FAM13C: variants seen among roughly 807,000 people sequenced by gnomAD.
The protein encoded by FAM13C is family with sequence similarity 13 member C, also known as protein FAM13C.
In FAM13C, 37 loss-of-function variants were observed where a neutral mutation model predicts 73.2. That is an observed-to-expected ratio of 0.51 (90% CI 0.39 to 0.67). The LOEUF is 0.67. Ranked by LOEUF, FAM13C falls within the 30% of genes least tolerant of loss-of-function variation. The pLI, the probability that FAM13C is intolerant of heterozygous loss-of-function variation, is 0.00. For missense variants in FAM13C, 589 were observed against 715.6 expected, an observed-to-expected ratio of 0.82 and a Z score of 2.02; for synonymous variants, 246 against 260.9, an observed-to-expected ratio of 0.94 and a Z score of 0.55.
intron 4 of FAM13C, among the ~76,000 whole-genome samples, chr10:59,321,303 G>A (rs1850218841): frequency 6.6e-6 from 1 of 152,024 alleles, no homozygotes; most frequent in African/African-American, 2.4e-5. Flanking sequence ...ATGCAATGTT[G>A]GTGGCTTGAA....
chr10:59,253,523 A>G (rs963051098), intron 11 of FAM13C, among the ~76,000 whole-genome samples: 1 of 152,200 alleles, frequency 6.6e-6, no homozygotes, highest in African/African-American at 2.4e-5. Context: ...TTACTCCTCA[A>G]CTGTTCTGAT....
intron 3 of FAM13C, among the ~76,000 whole-genome samples, chr10:59,352,023 T>A (rs1241000091): frequency 6.6e-6 from 1 of 151,822 alleles, no homozygotes; most frequent in Non-Finnish European, 1.5e-5. Context: ...AAATAAAAAT[T>A]AAAAAATAAA....
At chr10:59,253,247 C>T (rs907494680) in intron 11 of FAM13C, among the ~76,000 whole-genome samples, 1 of 152,222 alleles carries the variant, frequency 6.6e-6, no homozygotes, top group East Asian at 1.9e-4. Flanking sequence ...TCATCTGTGT[C>T]TTCTGGGCCA....
chr10:59,324,038 A>G lies in FAM13C; in HGVS notation c.393T>C (p.Ser131=). The G allele has an allele frequency of 6.2e-7, 1 of 1,613,910 alleles. No individual in the cohort carries two copies. Among genetic ancestry groups the G allele is most frequent in the Non-Finnish European group, 8.5e-7 (1 of 1,179,958 alleles). Residue 131 remains serine (S), a synonymous_variant, in exon 4 of 14, where the codon AGT becomes AGC. Coordinates refer to ENST00000618804, the MANE Select transcript of FAM13C (RefSeq NM_198215.4). ...QVRAGTPAHE[S]PQNNAFKCQE... ...GGCACTTGAAGGCATTGTTTTGTGG[A>G]CTCTCATGAGCTGGTGTTCCTGCTC...
intron 4 of FAM13C, among the ~76,000 whole-genome samples, chr10:59,305,443 G>C (rs1848146109): frequency 6.6e-6 from 1 of 152,142 alleles, no homozygotes. Context: ...ATTTGTCAGT[G>C]TTAACATTTA....
chr10:59,283,307 G>T, intron 6 of FAM13C, 56 bp downstream of exon 6: 1 of 1,567,030 alleles, frequency 6.4e-7, no homozygotes. Context: ...GAACCAGCAA[G>T]AGACTGAACT....
intron 10 of FAM13C, among the ~76,000 whole-genome samples, chr10:59,258,235 G>A (rs911244794): frequency 2.6e-5 from 4 of 152,144 alleles, no homozygotes; most frequent in Non-Finnish European, 4.4e-5. Context: ...TGTAATCCCA[G>A]CACTTTGGGA....
At chr10:59,248,751 G>A (rs1589320138) in intron 13 of FAM13C, among the ~76,000 whole-genome samples, 1 of 152,168 alleles carries the variant, frequency 6.6e-6, no homozygotes, top group South Asian at 2.1e-4. Context: ...TTTCCCAGTA[G>A]TGATAAAGAG....
chr10:59,336,376 T>C (rs892196940), intron 3 of FAM13C, among the ~76,000 whole-genome samples: 4 of 152,212 alleles, frequency 2.6e-5, no homozygotes, highest in Non-Finnish European at 4.4e-5. Context: ...TTAGGATGGA[T>C]GAAAAGAGGT....
At chr10:59,322,696 A>G (rs1245900228) in intron 4 of FAM13C, among the ~76,000 whole-genome samples, 1 of 152,102 alleles carries the variant, frequency 6.6e-6, no homozygotes, top group Non-Finnish European at 1.5e-5. Flanking sequence ...TTTTGCTTTT[A>G]TATTATTTTG....
intron 3 of FAM13C, among the ~76,000 whole-genome samples, chr10:59,350,041 T>C (rs537497806): frequency 6.6e-6 from 1 of 152,208 alleles, no homozygotes; most frequent in Non-Finnish European, 1.5e-5. Flanking sequence ...TTTGTATACA[T>C]TCAATAATAA....
chr10:59,325,189 C>T (rs1850927883), intron 3 of FAM13C, among the ~76,000 whole-genome samples: 1 of 152,106 alleles, frequency 6.6e-6, no homozygotes, highest in Non-Finnish European at 1.5e-5. Context: ...ATATTATGGT[C>T]ACAATAGAGA....
intron 13 of FAM13C, 143 bp downstream of exon 13, chr10:59,251,432 T>A (rs1564472800): frequency 2.7e-6 from 2 of 737,632 alleles, no homozygotes; most frequent in Non-Finnish European, 4.8e-6. Flanking sequence ...GAATGTTGCA[T>A]TGGACAAATC....
intron 3 of FAM13C, among the ~76,000 whole-genome samples, chr10:59,337,796 CGGCCT>C (rs1852941595): frequency 2.7e-5 from 4 of 150,834 alleles, no homozygotes; most frequent in Non-Finnish European, 2.9e-5. Context: ...TCTCCTGCCT[CGGCCT>C]CCCGAGTAGC....
intron 5 of FAM13C, among the ~76,000 whole-genome samples, chr10:59,290,724 T>C (rs765521048): frequency 6.6e-6 from 1 of 152,216 alleles, no homozygotes; most frequent in Non-Finnish European, 1.5e-5. Flanking sequence ...GTGTATTGTT[T>C]ATCAGCTCCA....
chr10:59,352,619 T>C (rs1436789693), intron 2 of FAM13C, 145 bp from the exon 3 acceptor site: 4 of 734,090 alleles, frequency 5.4e-6, no homozygotes, highest in South Asian at 1.9e-5. Flanking sequence ...TAGACAATTT[T>C]GCATGAACAA....
Position 59,268,597 on chromosome 10 carries a change from T to C in FAM13C, c.898A>G (p.Ile300Val). ...TCAAATTTTTCTTCAAATTTCCGAATTTTCCGCTTGAGGCTCTGGATGTGC... is the reference window on the plus strand; with the variant it reads ...TCAAATTTTTCTTCAAATTTCCGAACTTTCCGCTTGAGGCTCTGGATGTGC... ...TKHIQSLKRK[I>V]RKFEEKFEQE... is the part of the protein sequence containing the mutation. The change falls in exon 8 of 14, where the codon ATT (isoleucine) becomes GTT (valine). Residue 300 changes from isoleucine (I) to valine (V), a missense_variant. Physicochemically the swap from Ile to Val is conservative, Grantham distance 29. Transcript: ENST00000618804. 2.5e-6 allele frequency: 4 copies of C among 1,613,810 alleles called. No homozygotes were observed. Among genetic ancestry groups the C allele is most frequent in the African/African-American group, 1.3e-5 (1 of 75,032 alleles).
Position 59,274,181 on chromosome 10 carries a change from G to A in FAM13C, c.593-4072C>T, listed in dbSNP as rs1015712357. On this transcript the variant is annotated intron_variant, in intron 6 of 13. Coordinates refer to ENST00000618804, the MANE Select transcript of FAM13C (RefSeq NM_198215.4). ...GATAATAGCATCACCCACACACAGA[G>A]GGCCAGAAAAACAAAGATGAAAAAC... 5.9e-5 allele frequency among the ~76,000 whole-genome samples: 9 copies of A among 151,794 alleles called. No homozygotes were observed. In the East Asian group the frequency reaches 1.7e-3, roughly 29 times the overall value.
In FAM13C at chr10:59,264,099, C is replaced by T. The variant is rs778874102; in HGVS notation, c.1010G>A (p.Arg337His). ...CTGGGATTTACCTTTGAGCTGTTTACGACCTTTAGCCAAATCATTCATCCA... is the reference window on the plus strand; with the variant it reads ...CTGGGATTTACCTTTGAGCTGTTTATGACCTTTAGCCAAATCATTCATCCA... Reference protein sequence around the residue: ...LKWMNDLAKGRKQLKELKLKL... With the variant: ...LKWMNDLAKGHKQLKELKLKL... The change falls in exon 9 of 14, where the codon CGT becomes CAT. Residue 337 changes from arginine to histidine, a missense_variant. Physicochemically the swap from Arg to His is conservative, Grantham distance 29 (BLOSUM62 0). Transcript: ENST00000618804. 1.1e-5 allele frequency: 18 copies of T among 1,612,628 alleles called. No homozygotes were observed. The highest frequency in any genetic ancestry group is 5.0e-5 in the Admixed American group (3 of 59,920).
Sources: allele counts gnomAD v4.1 joint callset (sites outside exome capture counted in the v4.1 genomes callset), GRCh38; gene constraint gnomAD v4.1.1; transcripts MANE v1.5; gene names NCBI Gene and HGNC (gene_info 2026-07-23, HGNC 2026-07-21).